LRTM1: variants seen among roughly 807,000 people sequenced by gnomAD.
LRTM1 encodes leucine-rich repeat and transmembrane domain-containing protein 1.
A neutral mutation model predicts 32.4 loss-of-function variants in LRTM1; 38 were observed. The observed-to-expected ratio is 1.17, with a 90% CI of 0.91 to 1.54. The LOEUF is 1.54. LRTM1 is among the 40% of genes most tolerant of loss of function. LRTM1 has a pLI of 0.00. For missense variants in LRTM1, 466 were observed against 415.4 expected (o/e 1.12, Z -1.06); for synonymous variants, 186 against 169.9 (o/e 1.09, Z -0.74).
chr3:54,948,362 A>G (rs2107007845), intron 1 of LRTM1, among the ~76,000 whole-genome samples: 1 of 152,330 alleles, frequency 6.6e-6, no homozygotes, highest in South Asian at 2.1e-4. Flanking sequence ...TTGTCATTAG[A>G]AAAAAATTAA....
intron 1 of LRTM1, among the ~76,000 whole-genome samples, chr3:54,941,083 G>A (rs1056939647): frequency 1.3e-5 from 2 of 152,138 alleles, no homozygotes; most frequent in Non-Finnish European, 2.9e-5. Flanking sequence ...ACTAGGGGAG[G>A]TTTTCCATGG....
chr3:54,960,238 G>A (rs1389071549), intron 1 of LRTM1, among the ~76,000 whole-genome samples: 1 of 152,148 alleles, frequency 6.6e-6, no homozygotes, highest in African/African-American at 2.4e-5. Flanking sequence ...CTGCGGCCTT[G>A]TCAATGGTGT....
intron 1 of LRTM1, among the ~76,000 whole-genome samples, chr3:54,962,389 C>T (rs1702051309): frequency 6.6e-6 from 1 of 152,210 alleles, no homozygotes; most frequent in African/African-American, 2.4e-5. Context: ...GATGAATTTT[C>T]TGCTCACTCT....
chr3:54,923,140 A>T (rs1384469024), intron 2 of LRTM1, among the ~76,000 whole-genome samples: 1 of 152,130 alleles, frequency 6.6e-6, no homozygotes, highest in Non-Finnish European at 1.5e-5. Context: ...CATTGTAATC[A>T]GATCCTATTG....
chr3:54,963,759 C>G (rs1468772399), intron 1 of LRTM1, among the ~76,000 whole-genome samples: 1 of 152,172 alleles, frequency 6.6e-6, no homozygotes, highest in East Asian at 1.9e-4. Context: ...GGCCTGTACC[C>G]CTGGCGGTTG....
chr3:54,951,340 C>G (rs1701752379), intron 1 of LRTM1, among the ~76,000 whole-genome samples: 1 of 152,226 alleles, frequency 6.6e-6, no homozygotes, highest in South Asian at 2.1e-4. Flanking sequence ...CTCTCTTTCA[C>G]AGCACTATAG....
rs750814229 is a variant in LRTM1 at position 54,924,999 on chromosome 3, C to T, written c.224G>A (p.Trp75Ter). Residue 75 changes from tryptophan (W) to a stop codon, truncating the protein, a stop_gained, in exon 2 of 3, where the codon TGG (tryptophan) becomes TAG (stop). Coordinates refer to ENST00000273286, the MANE Select transcript of LRTM1 (RefSeq NM_020678.4). LOFTEE classifies it high-confidence loss of function. The part of the protein sequence containing the change: ...LPAFAFRSVP[W>*]LMTLNLSNNS... ...GTTGGACAAGTTTAAGGTCATGAGC[C>T]ATGGCACTGACCTAAATGCAAAAGC... The T allele has an allele frequency of 1.2e-6, 2 of 1,613,900 alleles. No individual in the cohort carries two copies. Among genetic ancestry groups the T allele is most frequent in the Non-Finnish European group, 1.7e-6 (2 of 1,179,926 alleles).
At chr3:54,963,369 G>A (rs1346963229) in intron 1 of LRTM1, among the ~76,000 whole-genome samples, 2 of 152,202 alleles carry the variant, frequency 1.3e-5, no homozygotes, top group African/African-American at 4.8e-5. Context: ...TGGGATCACT[G>A]GTCATCGTCC....
rs182902370 is a variant in LRTM1, at chr3:54,918,891, C to T, written c.606G>A (p.Gly202=). 294 of 1,521,430 alleles carry T rather than the reference C, an allele frequency of 1.9e-4. 2 individuals are homozygous for T. The East Asian group carries it at 6.0e-3, about 31-fold the overall frequency. The allele number at this position is 1,521,430 out of a possible 1,614,324, so 94.2% of individuals were successfully genotyped here. A position where few individuals can be genotyped will look rare whatever the true frequency, so the allele number is the denominator to read the frequency against. ...KLWLEKFVYK[G]GLTDGIICES... is the part of the protein sequence containing the mutation. Reference sequence around the variant, plus strand: ...CACAGATGATGCCGTCTGTTAGTCCCCCTTTAAAAAACAAAAGCAAAGAAC... The same window carrying T: ...CACAGATGATGCCGTCTGTTAGTCCTCCTTTAAAAAACAAAAGCAAAGAAC... The change falls in exon 3 of 3, where the codon GGG becomes GGA. Residue 202 remains glycine, a splice_region_variant and synonymous_variant. Transcript: ENST00000273286.
intron 1 of LRTM1, among the ~76,000 whole-genome samples, chr3:54,962,145 C>T (rs1702045284): frequency 6.6e-6 from 1 of 152,162 alleles, no homozygotes; most frequent in Non-Finnish European, 1.5e-5. Flanking sequence ...AAAGTGCCAC[C>T]TCTTAATACT....
rs759970731 is a variant in LRTM1 at position 54,927,858 on chromosome 3, T to G, written c.7+47A>C. The G allele has an allele frequency of 1.9e-6, 3 of 1,607,818 alleles. No individual in the cohort carries two copies. The East Asian group carries it at 6.7e-5, about 36-fold the overall frequency. ...GATACCTTTGTGAGGGGATACCATC[T>G]TTCTCCCAGACAAGAACTTTTCCAA... is the stretch of plus-strand genomic sequence containing the variant. On this transcript the variant is annotated intron_variant, in intron 1 of 2. Transcript: ENST00000273286.
chr3:54,960,385 A>G (rs1702002727), intron 1 of LRTM1, among the ~76,000 whole-genome samples: 1 of 152,210 alleles, frequency 6.6e-6, no homozygotes, highest in Non-Finnish European at 1.5e-5. Context: ...GAAATATGCA[A>G]TCATTTAGGG....
chr3:54,918,525 G>T lies in LRTM1; in HGVS notation c.972C>A (p.Pro324=). The T allele has an allele frequency of 6.2e-7, 1 of 1,613,940 alleles. No individual in the cohort carries two copies. Residue 324 remains proline (P), a synonymous_variant, in exon 3 of 3, where the codon CCC becomes CCA. Coordinates refer to ENST00000273286, the MANE Select transcript of LRTM1 (RefSeq NM_020678.4). ...TCCCAGGATCATTGGTTTGAGCCAA[G>T]GGTCCCCCATGGTACTGGGCTGTGA... The part of the protein sequence containing the change: ...AAITAQYHGG[P]LAQTNDPGKV...
chr3:54,963,312 C>T (rs1339663745), intron 1 of LRTM1, among the ~76,000 whole-genome samples: 1 of 152,070 alleles, frequency 6.6e-6, no homozygotes, highest in Non-Finnish European at 1.5e-5. Context: ...ATTGTACCTT[C>T]CATCCTTAAG....
chr3:54,960,034 CTACTT>C (rs1430036664), intron 1 of LRTM1, among the ~76,000 whole-genome samples: 1 of 148,906 alleles, frequency 6.7e-6, no homozygotes, highest in African/African-American at 2.5e-5. Context: ...GTCATTTACT[CTACTT>C]TACCAAAGGT....
upstream of LRTM1, among the ~76,000 whole-genome samples, chr3:54,930,564 G>A (rs1425842018): frequency 6.6e-6 from 1 of 152,198 alleles, no homozygotes; most frequent in African/African-American, 2.4e-5. Context: ...GATGTTGGAG[G>A]TCAAGACCCT....
chr3:54,918,909 C>G lies in LRTM1; in HGVS notation c.605-17G>C. ...TTAGTCCCCCTTTAAAAAACAAAAGCAAAGAACAATAACAAAGCCTTGATA... is the reference window on the plus strand; with the variant it reads ...TTAGTCCCCCTTTAAAAAACAAAAGGAAAGAACAATAACAAAGCCTTGATA... On this transcript the variant is annotated splice_polypyrimidine_tract_variant and intron_variant, in intron 2 of 2. Coordinates refer to ENST00000273286, the MANE Select transcript of LRTM1 (RefSeq NM_020678.4). The G allele has an allele frequency of 6.6e-7, 1 of 1,513,722 alleles. No homozygotes were observed. Among genetic ancestry groups the G allele is most frequent in the Admixed American group, 2.2e-5 (1 of 44,668 alleles). The allele number at this position is 1,513,722 out of a possible 1,614,324, so 93.8% of individuals were successfully genotyped here. A position where few individuals can be genotyped will look rare whatever the true frequency, so the allele number is the denominator to read the frequency against.
chr3:54,959,178 C>T (rs929300205), intron 1 of LRTM1, among the ~76,000 whole-genome samples: 3 of 152,174 alleles, frequency 2.0e-5, no homozygotes, highest in Admixed American at 6.5e-5. Flanking sequence ...TATTGAGTCT[C>T]GTGTTCCACA....
chr3:54,925,518 A>G (rs1429936213), intron 1 of LRTM1, among the ~76,000 whole-genome samples: 1 of 152,206 alleles, frequency 6.6e-6, no homozygotes, highest in Non-Finnish European at 1.5e-5. Context: ...AGGGTGAAAA[A>G]AAATATTTGG....
Sources: allele counts gnomAD v4.1 joint callset (sites outside exome capture counted in the v4.1 genomes callset), GRCh38; gene constraint gnomAD v4.1.1; transcripts MANE v1.5; gene names NCBI Gene and HGNC (gene_info 2026-07-23, HGNC 2026-07-21).